Variants in ERG observed in about 807,000 individuals in gnomAD.
ERG encodes transcriptional regulator ERG.
A neutral mutation model predicts 55.3 loss-of-function variants in ERG; 9 were observed. That is an observed-to-expected ratio of 0.16 (90% CI 0.10 to 0.28). The LOEUF is 0.28. Ranked by LOEUF, ERG falls within the 10% of genes least tolerant of loss-of-function variation. The pLI is 1.00. For missense variants in ERG, 434 were observed against 631.6 expected (o/e 0.69, Z 3.35); for synonymous variants, 223 against 237.3 (o/e 0.94, Z 0.55).
At chr21:38,370,002 A>G in the ERG span, among the ~76,000 whole-genome samples, 1 of 152,088 alleles carries the variant, frequency 6.6e-6, no homozygotes, top group Non-Finnish European at 1.5e-5. Flanking sequence ...TACCAGTACC[A>G]TGCTGTTTTG....
At chr21:38,451,138 G>A in intron 1 of ERG, 2 of 485,800 alleles carry the variant, frequency 4.1e-6, no homozygotes, top group Non-Finnish European at 8.2e-6. Context: ...GAGAGAGAGA[G>A]GCTGGTAGAG....
At chr21:38,429,420 A>T (rs58665757) in intron 2 of ERG, among the ~76,000 whole-genome samples, 2,460 of 77,134 alleles carry the variant, frequency 0.032, 324 homozygotes, top group East Asian at 0.15. Flanking sequence ...CGCACATATA[A>T]ACATGTGTGT....
chr21:38,521,856 T>G (rs555064023), intron 2 of ERG, among the ~76,000 whole-genome samples: 1 of 152,326 alleles, frequency 6.6e-6, no homozygotes, highest in East Asian at 1.9e-4. Flanking sequence ...TTGGGTACAT[T>G]TGCAGATTCA....
intron 2 of ERG, among the ~76,000 whole-genome samples, chr21:38,528,390 A>G (rs1345928259): frequency 6.9e-6 from 1 of 145,692 alleles, no homozygotes; most frequent in Non-Finnish European, 1.5e-5. Context: ...GATTCAACCC[A>G]TATTAGGTTG....
chr21:38,371,145 C>T, the ERG span, among the ~76,000 whole-genome samples: 2 of 151,920 alleles, frequency 1.3e-5, no homozygotes, highest in African/African-American at 2.4e-5. Context: ...TAGAATTATT[C>T]TTAGGTATTA....
At chr21:38,585,532 C>CCTTTTTTTTTTTTTTTT (rs2060057615), upstream of ERG, among the ~76,000 whole-genome samples, 2 of 59,270 alleles carry the variant, frequency 3.4e-5, no homozygotes, top group Non-Finnish European at 6.3e-5. Context: ...TCTCTCTCTT[C>CCTTTTTTTTTTTTTTTT]TTTTTTTTTT....
intron 1 of ERG, among the ~76,000 whole-genome samples, chr21:38,656,289 G>A (rs538447252): frequency 1.8e-4 from 28 of 152,148 alleles, no homozygotes; most frequent in African/African-American, 6.5e-4. Flanking sequence ...CTGGATTTCA[G>A]GAACTCACAT....
intron 2 of ERG, among the ~76,000 whole-genome samples, chr21:38,569,696 C>G (rs1476125384): frequency 6.6e-6 from 1 of 152,198 alleles, no homozygotes; most frequent in Non-Finnish European, 1.5e-5. Flanking sequence ...ATGCCTTTCC[C>G]CTAAAACTCT....
intron 1 of ERG, chr21:38,471,484 A>C (rs1377470343): frequency 6.6e-6 from 1 of 152,232 alleles, no homozygotes; most frequent in Non-Finnish European, 1.5e-5. Flanking sequence ...CTTGAGACCA[A>C]AGTCTCATTC....
chr21:38,650,482 A>C (rs554296365), intron 1 of ERG, among the ~76,000 whole-genome samples: 57 of 152,086 alleles, frequency 3.7e-4, no homozygotes, highest in African/African-American at 1.4e-3. Flanking sequence ...CTAACAATAC[A>C]AAAAATTAGC....
chr21:38,614,866 T>C (rs929370684), intron 1 of ERG, among the ~76,000 whole-genome samples: 1 of 152,248 alleles, frequency 6.6e-6, no homozygotes, highest in Admixed American at 6.5e-5. Context: ...TGGTTGGCCA[T>C]TGGATGAGAT....
At chr21:38,580,946 G>A (rs1168013786) in intron 1 of ERG, among the ~76,000 whole-genome samples, 1 of 152,190 alleles carries the variant, frequency 6.6e-6, no homozygotes, top group Non-Finnish European at 1.5e-5. Context: ...GTGTTCTGCG[G>A]GTTAGGGGAT....
Position 38,480,591 on chromosome 21 carries a change from C to CTTTTTTTTTTTTTTTTTTTTTTT in ERG, c.18+17749_18+17771dup, listed in dbSNP as rs544037525. On this transcript the variant is annotated intron_variant, in intron 1 of 9. Transcript: ENST00000288319. ...TTGCCACTTTAGGGCACTATATGGC[C>CTTTTTTTTTTTTTTTTTTTTTTT]TTTTTTTTTTTTTTTTTTTTTTTGC... Among the ~76,000 whole-genome samples the CTTTTTTTTTTTTTTTTTTTTTTT allele has an allele frequency of 3.1e-4, 16 of 51,122 alleles. 4 individuals carry two copies. The highest frequency in any genetic ancestry group is 4.5e-4 in the Non-Finnish European group (13 of 29,098). The allele number at this position is 51,122 out of a possible 152,430, so 33.5% of individuals were successfully genotyped here.
At chr21:38,609,643 A>G (rs976244513) in intron 1 of ERG, among the ~76,000 whole-genome samples, 1 of 152,252 alleles carries the variant, frequency 6.6e-6, no homozygotes, top group Non-Finnish European at 1.5e-5. Flanking sequence ...GAATAACACC[A>G]TATGTGCAAA....
intron 6 of ERG, chr21:38,400,069 T>C (rs1356604207): frequency 1.6e-5 from 5 of 308,410 alleles, no homozygotes; most frequent in Non-Finnish European, 2.5e-5. Flanking sequence ...TGATAGATGT[T>C]TATTTTTGCA....
intron 2 of ERG, among the ~76,000 whole-genome samples, chr21:38,528,538 C>G (rs1163641463): frequency 2.3e-5 from 1 of 43,718 alleles, no homozygotes; most frequent in African/African-American, 6.3e-5. Flanking sequence ...AGCTCCGCCT[C>G]CCGGGTTCAC....
chr21:38,521,142 C>T (rs2032323), intron 2 of ERG, among the ~76,000 whole-genome samples: 6 of 152,094 alleles, frequency 3.9e-5, no homozygotes, highest in Non-Finnish European at 5.9e-5. Flanking sequence ...GGAGGATTTC[C>T]GGGCTTCAGT....
chr21:38,615,411 T>C (rs1256591218), intron 1 of ERG, among the ~76,000 whole-genome samples: 1 of 151,924 alleles, frequency 6.6e-6, no homozygotes, highest in Non-Finnish European at 1.5e-5. Context: ...TTCCCTTAGG[T>C]GAAGGTGGGA....
intron 2 of ERG, among the ~76,000 whole-genome samples, chr21:38,427,479 G>A (rs946538511): frequency 1.3e-5 from 2 of 152,188 alleles, no homozygotes; most frequent in Non-Finnish European, 1.5e-5. Flanking sequence ...TGTGTTGCTG[G>A]CATTGTCTCC....
Sources: gnomAD v4.1 joint callset for allele counts (sites outside exome capture counted in the v4.1 genomes callset) on GRCh38, gnomAD v4.1.1 for gene constraint, MANE v1.5 for transcripts, NCBI Gene and HGNC (gene_info 2026-07-23, HGNC 2026-07-21) for gene names.